SOX5: variants seen among roughly 807,000 people sequenced by gnomAD.
The protein encoded by SOX5 is transcription factor SOX-5.
SOX5 carries 9 observed loss-of-function variants against 92.0 expected under a neutral mutation model. The observed-to-expected ratio is 0.10, with a 90% confidence interval of 0.06 to 0.17. SOX5 has a LOEUF of 0.17. Among genes scored for constraint, SOX5 ranks in the 10% least tolerant of loss-of-function variants. SOX5 has a pLI of 1.00. For synonymous variants in SOX5, 344 were observed against 336.3 expected, an observed-to-expected ratio of 1.02 and a Z score of -0.25; for missense variants, 642 against 944.5, an observed-to-expected ratio of 0.68 and a Z score of 4.20.
chr12:23,883,180 C>CA (rs71059941), intron 2 of SOX5, among the ~76,000 whole-genome samples: 15,842 of 136,678 alleles, frequency 0.12, 1,006 homozygotes, highest in Admixed American at 0.16. Context: ...GACTCCATCT[C>CA]AAAAAAAAAA....
chr12:24,550,642 A>AT (rs1953064715), intron 1 of SOX5, among the ~76,000 whole-genome samples: 1 of 152,184 alleles, frequency 6.6e-6, no homozygotes, highest in Non-Finnish European at 1.5e-5. Flanking sequence ...GTTAAACTTG[A>AT]TTTTTAAGAG....
At chr12:23,558,623 AC>A (rs34075450) in intron 11 of SOX5, among the ~76,000 whole-genome samples, 50,669 of 151,894 alleles carry the variant, frequency 0.33, 8,692 homozygotes, top group Non-Finnish European at 0.38. Flanking sequence ...TTTTTTTGAG[AC>A]GGAGTTCCGC....
At chr12:24,507,220 T>C (rs1948882747) in intron 1 of SOX5, among the ~76,000 whole-genome samples, 2 of 152,080 alleles carry the variant, frequency 1.3e-5, no homozygotes, top group African/African-American at 2.4e-5. Flanking sequence ...GTGACTCTGA[T>C]GAGGGACAAA....
At chr12:23,779,560 A>C (rs542226738) in intron 3 of SOX5, among the ~76,000 whole-genome samples, 1 of 151,690 alleles carries the variant, frequency 6.6e-6, no homozygotes, top group South Asian at 2.1e-4. Flanking sequence ...GCACACCTAT[A>C]ATACAGTCAT....
At chr12:23,922,043 G>C (rs1938431368) in intron 1 of SOX5, among the ~76,000 whole-genome samples, 1 of 152,148 alleles carries the variant, frequency 6.6e-6, no homozygotes, top group African/African-American at 2.4e-5. Flanking sequence ...CTAAAAGACG[G>C]ACTAGCCGAA....
chr12:23,627,387 G>A (rs753468752), intron 8 of SOX5, among the ~76,000 whole-genome samples: 45 of 152,080 alleles, frequency 3.0e-4, no homozygotes, highest in African/African-American at 1.0e-3. Context: ...GTGTTCAACC[G>A]AAACTTGAAT....
intron 3 of SOX5, among the ~76,000 whole-genome samples, chr12:23,787,332 C>T (rs541368501): frequency 3.3e-4 from 50 of 152,066 alleles, no homozygotes; most frequent in African/African-American, 1.2e-3. Context: ...GTCGTCTGCT[C>T]TGTGAACAAA....
At chr12:24,078,120 G>T (rs1298090412) in intron 4 of SOX5, among the ~76,000 whole-genome samples, 1 of 151,818 alleles carries the variant, frequency 6.6e-6, no homozygotes, top group Non-Finnish European at 1.5e-5. Context: ...ACTATTAATT[G>T]TATTTTACTG....
intron 1 of SOX5, among the ~76,000 whole-genome samples, chr12:24,443,947 A>G (rs1051022671): frequency 1.3e-5 from 2 of 152,214 alleles, no homozygotes; most frequent in Non-Finnish European, 2.9e-5. Context: ...ACTAAATGTT[A>G]ACATGCCAAA....
chr12:24,234,021 G>GGGCT (rs1247395604), intron 3 of SOX5, among the ~76,000 whole-genome samples: 2 of 151,674 alleles, frequency 1.3e-5, no homozygotes, highest in African/African-American at 2.4e-5. Flanking sequence ...TATCCAATTT[G>GGGCT]GTCTGTCCAA....
At chr12:24,481,333 G>A (rs932565928) in intron 1 of SOX5, among the ~76,000 whole-genome samples, 1 of 152,040 alleles carries the variant, frequency 6.6e-6, no homozygotes, top group Non-Finnish European at 1.5e-5. Context: ...TAGAAAGAAT[G>A]AATAAGACCT....
intron 5 of SOX5, among the ~76,000 whole-genome samples, chr12:23,739,223 C>A (rs1193479811): frequency 6.6e-6 from 1 of 152,150 alleles, no homozygotes; most frequent in Non-Finnish European, 1.5e-5. Flanking sequence ...AGGAAAAGGA[C>A]TTAGCCATGA....
intron 3 of SOX5, among the ~76,000 whole-genome samples, chr12:23,780,424 T>C (rs916897539): frequency 1.3e-5 from 2 of 151,766 alleles, no homozygotes; most frequent in Non-Finnish European, 2.9e-5. Flanking sequence ...TACAATGTAG[T>C]GAGAGGTTTT....
intron 6 of SOX5, among the ~76,000 whole-genome samples, chr12:23,688,354 T>C (rs928327820): frequency 4.6e-5 from 7 of 152,104 alleles, no homozygotes; most frequent in Non-Finnish European, 1.0e-4. Context: ...CTTAATCAAA[T>C]GGTTCTGATA....
chr12:23,884,127 T>A (rs909583342), intron 2 of SOX5, among the ~76,000 whole-genome samples: 1 of 152,232 alleles, frequency 6.6e-6, no homozygotes, highest in Admixed American at 6.5e-5. Flanking sequence ...TACCTGCATA[T>A]GCCAGCACCA....
chr12:23,799,452 C>CA (rs1185824801), intron 3 of SOX5, among the ~76,000 whole-genome samples: 1 of 151,902 alleles, frequency 6.6e-6, no homozygotes, highest in Non-Finnish European at 1.5e-5. Flanking sequence ...TGTTTCGGGA[C>CA]AAAAATATTG....
chr12:24,395,949 TAAG>T (rs1021287034), intron 1 of SOX5, among the ~76,000 whole-genome samples: 4 of 152,198 alleles, frequency 2.6e-5, no homozygotes, highest in African/African-American at 9.6e-5. Context: ...TCTTTATCTC[TAAG>T]AAGTGCATGC....
At chr12:24,248,415 C>T (rs577091407) in intron 3 of SOX5, among the ~76,000 whole-genome samples, 193 of 152,270 alleles carry the variant, frequency 1.3e-3, no homozygotes, top group African/African-American at 4.5e-3. Context: ...TTCTTTTCTT[C>T]TTCTTCTTCA....
chr12:23,634,513 G>C (rs2078966283), intron 8 of SOX5, among the ~76,000 whole-genome samples: 1 of 152,098 alleles, frequency 6.6e-6, no homozygotes, highest in African/African-American at 2.4e-5. Flanking sequence ...ACTCTAGGAA[G>C]GGAGTATGCC....
Sources: gnomAD v4.1 joint callset for allele counts (sites outside exome capture counted in the v4.1 genomes callset) on GRCh38, gnomAD v4.1.1 for gene constraint, MANE v1.5 for transcripts, NCBI Gene and HGNC (gene_info 2026-07-23, HGNC 2026-07-21) for gene names.